Variants in ZC3H3 observed in about 807,000 individuals in gnomAD.
ZC3H3 encodes zinc finger CCCH-type containing 3, also known as zinc finger CCCH domain-containing protein 3.
A neutral mutation model predicts 77.3 loss-of-function variants in ZC3H3; 36 were observed. The observed-to-expected ratio is 0.47, with a 90% CI of 0.36 to 0.61. The LOEUF (loss-of-function observed/expected upper bound fraction) is 0.61. Ranked by LOEUF, ZC3H3 falls within the 20% of genes least tolerant of loss-of-function variation. The probability of loss-of-function intolerance (pLI) is 0.00; values close to 1 mark genes in which losing one functional copy is unlikely to be tolerated. For synonymous variants in ZC3H3, 626 were observed against 555.2 expected (o/e 1.13, Z -1.79); for missense variants, 1,331 against 1,312.2 (o/e 1.01, Z -0.22).
chr8:143,473,059 C>T (rs11780502), intron 5 of ZC3H3, among the ~76,000 whole-genome samples: 6,027 of 152,298 alleles, frequency 0.04, 175 homozygotes, highest in Non-Finnish European at 0.057. Context: ...CTGGGGCTCT[C>T]GCGTACGTCA....
chr8:143,515,752 C>A (rs1266068163), intron 3 of ZC3H3, among the ~76,000 whole-genome samples: 2 of 152,240 alleles, frequency 1.3e-5, no homozygotes, highest in Non-Finnish European at 2.9e-5. Flanking sequence ...CCCACGATGC[C>A]CACAGATGGC....
At chr8:143,464,472 T>C (rs1198220137) in intron 9 of ZC3H3, among the ~76,000 whole-genome samples, 1 of 151,740 alleles carries the variant, frequency 6.6e-6, no homozygotes, top group Non-Finnish European at 1.5e-5. Context: ...TCCTGGGAAG[T>C]GGGTGTGAGG....
chr8:143,522,701 C>T (rs1197164648), intron 3 of ZC3H3, among the ~76,000 whole-genome samples: 1 of 152,144 alleles, frequency 6.6e-6, no homozygotes, highest in African/African-American at 2.4e-5. Context: ...AGCAGATCGC[C>T]TGAGCCCAGG....
chr8:143,447,513 G>A (rs1281214121), intron 9 of ZC3H3, among the ~76,000 whole-genome samples: 3 of 152,216 alleles, frequency 2.0e-5, no homozygotes, highest in African/African-American at 7.2e-5. Context: ...CAAAGTGGAT[G>A]TCTCAGTTCT....
chr8:143,529,700 C>T (rs543273749), intron 3 of ZC3H3, among the ~76,000 whole-genome samples: 17 of 152,306 alleles, frequency 1.1e-4, no homozygotes, highest in African/African-American at 2.9e-4. Flanking sequence ...ATCCAGAGAG[C>T]GCCGTGTGCC....
intron 9 of ZC3H3, among the ~76,000 whole-genome samples, chr8:143,456,857 G>T (rs1820136758): frequency 6.6e-6 from 1 of 152,214 alleles, no homozygotes. Flanking sequence ...AACAAAGCGA[G>T]ACCCAGTCTC....
At chr8:143,475,692 G>C (rs747332481) in intron 4 of ZC3H3, 107 bp from the exon 5 acceptor site, 5 of 1,313,656 alleles carry the variant, frequency 3.8e-6, no homozygotes, top group Non-Finnish European at 5.1e-6. Context: ...GGGGGACAGG[G>C]AGCAGCACTT....
rs1254342455 is a variant in ZC3H3, at chr8:143,494,638, G to T, written c.1715+13108C>A. The stretch of plus-strand genomic sequence containing the variant: ...AAGCGGCAGGTCGGGGGAGGGGGGT[G>T]CTGTGGGCAGACACACGAGGGGATG... On this transcript the variant is annotated intron_variant, in intron 4 of 11. Coordinates refer to ENST00000262577, the MANE Select transcript of ZC3H3 (RefSeq NM_015117.3). The surrounding 1 kb of genome is among the most constrained non-coding windows in gnomAD (Gnocchi z 5.3). Among the ~76,000 whole-genome samples, 1 of 152,126 alleles carries T rather than the reference G, an allele frequency of 6.6e-6. No homozygotes were observed. Among genetic ancestry groups the T allele is most frequent in the Non-Finnish European group, 1.5e-5 (1 of 68,022 alleles).
chr8:143,462,886 C>T lies in ZC3H3; in HGVS notation c.2307+2831G>A, dbSNP rs1820302927. Among the ~76,000 whole-genome samples the T allele has an allele frequency of 6.6e-6, 1 of 152,214 alleles. No homozygotes were observed. Among genetic ancestry groups the T allele is most frequent in the Non-Finnish European group, 1.5e-5 (1 of 68,036 alleles). On this transcript the variant is annotated intron_variant, in intron 9 of 11. Transcript: ENST00000262577. The surrounding 1 kb of genome is among the most constrained non-coding windows in gnomAD (Gnocchi z 4.7). ...AGCTGCAACAAGCACACGCAGCGCC[C>T]AGACCCTGAGTCCTAAACACACCCA... is the stretch of plus-strand genomic sequence containing the variant.
At chr8:143,476,484 G>T (rs1304202789) in intron 4 of ZC3H3, among the ~76,000 whole-genome samples, 3 of 152,130 alleles carry the variant, frequency 2.0e-5, no homozygotes, top group African/African-American at 7.2e-5. Flanking sequence ...AGACAAGAGG[G>T]GCCTGAGCTG....
intron 9 of ZC3H3, among the ~76,000 whole-genome samples, chr8:143,444,027 T>G (rs1048753936): frequency 6.7e-6 from 1 of 149,824 alleles, no homozygotes; most frequent in African/African-American, 2.5e-5. Flanking sequence ...CAGGCTGGAG[T>G]GCAGTGGCAC....
intron 9 of ZC3H3, 120 bp downstream of exon 9, chr8:143,465,597 C>T: frequency 6.9e-7 from 1 of 1,457,828 alleles, no homozygotes; most frequent in Non-Finnish European, 9.3e-7. Context: ...GACGTGATGG[C>T]ACTGACCACC....
chr8:143,445,161 C>T (rs1336281072), intron 9 of ZC3H3, among the ~76,000 whole-genome samples: 1 of 152,110 alleles, frequency 6.6e-6, no homozygotes, highest in Non-Finnish European at 1.5e-5. Context: ...GCAGGCGGAT[C>T]ACCTTAAGTC....
At chr8:143,529,396 A>G (rs1467584133) in intron 3 of ZC3H3, among the ~76,000 whole-genome samples, 1 of 152,200 alleles carries the variant, frequency 6.6e-6, no homozygotes, top group Non-Finnish European at 1.5e-5. Flanking sequence ...CTCTGATGCC[A>G]GGGCTGCGTG....
At chr8:143,508,743 G>A (rs1821786168) in intron 3 of ZC3H3, among the ~76,000 whole-genome samples, 3 of 151,524 alleles carry the variant, frequency 2.0e-5, no homozygotes, top group Non-Finnish European at 4.4e-5. Context: ...CCCCCTTCAG[G>A]GTCGCCCACA....
chr8:143,503,049 C>T (rs766977494), intron 4 of ZC3H3, among the ~76,000 whole-genome samples: 17 of 152,214 alleles, frequency 1.1e-4, no homozygotes, highest in Non-Finnish European at 2.2e-4. Context: ...GCAGATGCGA[C>T]GGGCACCACG....
intron 4 of ZC3H3, among the ~76,000 whole-genome samples, chr8:143,486,782 G>A (rs978753937): frequency 1.8e-4 from 26 of 143,026 alleles, no homozygotes; most frequent in African/African-American, 6.5e-4. Context: ...CTCACACACA[G>A]AACAGCACCC....
Position 143,509,869 on chromosome 8 carries a change from A to G in ZC3H3, c.1562-1970T>C, listed in dbSNP as rs555643342. Among the ~76,000 whole-genome samples, 4 of 152,326 alleles carry G rather than the reference A, an allele frequency of 2.6e-5. No individual in the cohort carries two copies. In the South Asian group the frequency reaches 6.2e-4, roughly 24 times the overall value. On this transcript the variant is annotated intron_variant, in intron 3 of 11. Coordinates refer to ENST00000262577, the MANE Select transcript of ZC3H3 (RefSeq NM_015117.3). ...GCTCCATTCCCGTCGCCAAATGCAC[A>G]GCCTCCCTTCGGCTAAAATCACTTC... is the stretch of plus-strand genomic sequence containing the variant.
chr8:143,514,766 C>A (rs1202140529), intron 3 of ZC3H3, among the ~76,000 whole-genome samples: 1 of 152,244 alleles, frequency 6.6e-6, no homozygotes, highest in Non-Finnish European at 1.5e-5. Context: ...GGACCAACAG[C>A]CTCGTTTCTA....
Sources: allele counts gnomAD v4.1 joint callset (sites outside exome capture counted in the v4.1 genomes callset), GRCh38; gene constraint gnomAD v4.1.1; non-coding constraint Gnocchi (gnomAD v3.1); transcripts MANE v1.5; gene names NCBI Gene and HGNC (gene_info 2026-07-23, HGNC 2026-07-21).